TMEM132D: variants seen among roughly 807,000 people sequenced by gnomAD.
TMEM132D encodes transmembrane protein 132D.
Under a neutral mutation model 62.3 loss-of-function variants are expected in TMEM132D, and 21 were observed. The ratio of observed to expected loss-of-function variants is 0.34; its 90% CI spans 0.24 to 0.49. The LOEUF (loss-of-function observed/expected upper bound fraction) is 0.49. Ranked by LOEUF, TMEM132D falls within the 20% of genes least tolerant of loss-of-function variation. The pLI, the probability that TMEM132D is intolerant of heterozygous loss-of-function variation, is 0.99. For missense variants in TMEM132D, 1,346 were observed against 1,402.8 expected (o/e 0.96, Z 0.65); for synonymous variants, 621 against 575.6 (o/e 1.08, Z -1.13).
intron 5 of TMEM132D, among the ~76,000 whole-genome samples, chr12:129,153,081 T>A (rs1168087248): frequency 6.6e-6 from 1 of 152,178 alleles, no homozygotes; most frequent in Admixed American, 6.5e-5. Flanking sequence ...CTCTAGGTTT[T>A]CTCAGGCTCC....
intron 1 of TMEM132D, among the ~76,000 whole-genome samples, chr12:129,865,487 A>G (rs960540550): frequency 3.3e-5 from 5 of 152,182 alleles, no homozygotes; most frequent in Admixed American, 3.3e-4. Context: ...CGGAGCCTGC[A>G]ATCATACAAC....
chr12:129,556,949 C>T (rs1353091342), intron 2 of TMEM132D, among the ~76,000 whole-genome samples: 1 of 152,156 alleles, frequency 6.6e-6, no homozygotes, highest in Non-Finnish European at 1.5e-5. Flanking sequence ...AATTTTCCCT[C>T]CTAAGCTGCA....
chr12:129,548,000 G>A lies in TMEM132D; in HGVS notation c.969-16795C>T, dbSNP rs139346484. Among the ~76,000 whole-genome samples, 651 of 152,226 alleles carry A rather than the reference G, an allele frequency of 4.3e-3. 7 individuals carry two copies. Among genetic ancestry groups the A allele is most frequent in the African/African-American group, 0.015 (617 of 41,526 alleles). Reference sequence around the variant, plus strand: ...TGTGACAATTTGTGCCCTATTTCCCGTCTCTTCATAGGGAGCATGGATCTG... The same window carrying A: ...TGTGACAATTTGTGCCCTATTTCCCATCTCTTCATAGGGAGCATGGATCTG... On this transcript the variant is annotated intron_variant, in intron 2 of 8. Coordinates refer to ENST00000422113, the MANE Select transcript of TMEM132D (RefSeq NM_133448.3).
intron 2 of TMEM132D, among the ~76,000 whole-genome samples, chr12:129,605,546 G>GC (rs1489441829): frequency 6.9e-6 from 1 of 144,726 alleles, no homozygotes; most frequent in African/African-American, 2.6e-5. Flanking sequence ...ATGATCTTAT[G>GC]CCCCACAAGC....
intron 7 of TMEM132D, among the ~76,000 whole-genome samples, chr12:129,080,741 C>T (rs1874421086): frequency 6.6e-6 from 1 of 152,134 alleles, no homozygotes; most frequent in African/African-American, 2.4e-5. Context: ...CGCAATATGT[C>T]CAGGTAACAA....
intron 2 of TMEM132D, among the ~76,000 whole-genome samples, chr12:129,556,260 T>C (rs1566108485): frequency 1.3e-5 from 2 of 152,206 alleles, no homozygotes; most frequent in African/African-American, 4.8e-5. Context: ...AGCAGCTGTC[T>C]GTGCACCAAC....
intron 1 of TMEM132D, among the ~76,000 whole-genome samples, chr12:129,843,532 C>A (rs926981107): frequency 2.0e-5 from 3 of 152,044 alleles, no homozygotes; most frequent in Non-Finnish European, 4.4e-5. Context: ...TTTATGCAAT[C>A]AAAAACAAAA....
chr12:129,708,149 A>G (rs1881549771), intron 1 of TMEM132D, among the ~76,000 whole-genome samples: 1 of 152,152 alleles, frequency 6.6e-6, no homozygotes, highest in Admixed American at 6.6e-5. Flanking sequence ...CCCAGGAGGC[A>G]GAGGTTGCAG....
chr12:129,273,882 T>G (rs1295213268), intron 4 of TMEM132D, among the ~76,000 whole-genome samples: 2 of 151,004 alleles, frequency 1.3e-5, no homozygotes, highest in Non-Finnish European at 2.9e-5. Context: ...ATAACACACC[T>G]GCACATGTAC....
At chr12:129,771,828 T>A (rs764880802) in intron 1 of TMEM132D, among the ~76,000 whole-genome samples, 1 of 152,246 alleles carries the variant, frequency 6.6e-6, no homozygotes, top group Non-Finnish European at 1.5e-5. Context: ...TATACATGCA[T>A]GAAAGTTTAA....
Position 129,117,760 on chromosome 12 carries a change from T to A in TMEM132D, c.1444-33058A>T, listed in dbSNP as rs143151159. On this transcript the variant is annotated intron_variant, in intron 5 of 8. Coordinates refer to ENST00000422113, the MANE Select transcript of TMEM132D (RefSeq NM_133448.3). ...ATACTAATAACAAAGACTACATGTC[T>A]CCTTTTAAGGATTTTTTTCTTTAAT... 2.9e-3 allele frequency among the ~76,000 whole-genome samples: 436 copies of A among 152,356 alleles called. 4 individuals are homozygous for A. The highest frequency in any genetic ancestry group is 9.7e-3 in the African/African-American group (404 of 41,592).
Position 129,700,367 on chromosome 12 carries a change from T to C in TMEM132D, c.411A>G (p.Lys137=), listed in dbSNP as rs2137227047. The C allele has an allele frequency of 6.2e-7, 1 of 1,614,034 alleles. No homozygotes were observed. The highest frequency in any genetic ancestry group is 8.5e-7 in the Non-Finnish European group (1 of 1,180,036). ...GCACTTTGGGCCGGCTCAGGTAGAC[T>C]TTGTCCCGCAGGATGTGGGCTTTTA... is the stretch of plus-strand genomic sequence containing the variant. The part of the protein sequence containing the change: ...WKLKAHILRD[K]VYLSRPKVQV... The change falls in exon 2 of 9, where the codon AAA becomes AAG. Residue 137 remains lysine, a synonymous_variant. Coordinates refer to ENST00000422113, the MANE Select transcript of TMEM132D (RefSeq NM_133448.3).
At chr12:129,832,818 C>CA (rs1872885441) in intron 1 of TMEM132D, among the ~76,000 whole-genome samples, 1 of 152,204 alleles carries the variant, frequency 6.6e-6, no homozygotes, top group Non-Finnish European at 1.5e-5. Flanking sequence ...GGGAGTCCTT[C>CA]AAAGGCACCG....
At chr12:129,608,392 C>A (rs1019818694) in intron 2 of TMEM132D, among the ~76,000 whole-genome samples, 1 of 152,036 alleles carries the variant, frequency 6.6e-6, no homozygotes. Flanking sequence ...AAAAATGAGG[C>A]CTAACTATGT....
At chr12:129,701,357 T>C (rs539270958) in intron 1 of TMEM132D, among the ~76,000 whole-genome samples, 7 of 152,162 alleles carry the variant, frequency 4.6e-5, no homozygotes, top group Admixed American at 2.6e-4. Flanking sequence ...AGAAAATACC[T>C]TGGAAGGATA....
chr12:129,453,677 C>T (rs545571461), intron 3 of TMEM132D, among the ~76,000 whole-genome samples: 168 of 152,322 alleles, frequency 1.1e-3, no homozygotes, highest in African/African-American at 3.8e-3. Flanking sequence ...CAGGCTCCAC[C>T]TTCAGTGAAC....
intron 1 of TMEM132D, among the ~76,000 whole-genome samples, chr12:129,737,625 T>C (rs1869470441): frequency 6.6e-6 from 1 of 152,188 alleles, no homozygotes; most frequent in African/African-American, 2.4e-5. Flanking sequence ...TGTTGTCCTT[T>C]TCATTTTGCA....
At chr12:129,355,881 C>T (rs549566033) in intron 3 of TMEM132D, among the ~76,000 whole-genome samples, 4 of 152,144 alleles carry the variant, frequency 2.6e-5, no homozygotes, top group Non-Finnish European at 5.9e-5. Flanking sequence ...ACGCAGAGTC[C>T]GATGCTGGAG....
chr12:129,242,169 T>C (rs1879955192), intron 4 of TMEM132D, among the ~76,000 whole-genome samples: 1 of 152,224 alleles, frequency 6.6e-6, no homozygotes, highest in Non-Finnish European at 1.5e-5. Flanking sequence ...TTTCTTGGAC[T>C]TCAGAAGAAT....
Sources: allele counts gnomAD v4.1 joint callset (sites outside exome capture counted in the v4.1 genomes callset), GRCh38; gene constraint gnomAD v4.1.1; transcripts MANE v1.5; gene names NCBI Gene and HGNC (gene_info 2026-07-23, HGNC 2026-07-21).